PRIM2: variants seen among roughly 807,000 people sequenced by gnomAD.
The protein encoded by PRIM2 is DNA primase large subunit.
PRIM2 carries 39 observed loss-of-function variants against 67.3 expected under a neutral mutation model. The ratio of observed to expected loss-of-function variants is 0.58; its 90% CI spans 0.45 to 0.76. PRIM2 has a LOEUF of 0.76. Among genes scored for constraint, PRIM2 ranks in the 30% least tolerant of loss-of-function variants. The probability of loss-of-function intolerance (pLI) is 0.00; values close to 1 mark genes in which losing one functional copy is unlikely to be tolerated. For synonymous variants in PRIM2, 143 were observed against 198.7 expected, an observed-to-expected ratio of 0.72 and a Z score of 2.36; for missense variants, 398 against 598.7, an observed-to-expected ratio of 0.66 and a Z score of 3.50.
intron 10 of PRIM2, among the ~76,000 whole-genome samples, chr6:57,556,082 A>T (rs1186669164): frequency 1.3e-5 from 2 of 152,400 alleles, no homozygotes; most frequent in African/African-American, 2.4e-5. Flanking sequence ...AATACAGCTA[A>T]CAAGAGAGGG....
intron 7 of PRIM2, among the ~76,000 whole-genome samples, chr6:57,473,554 C>G (rs1253025816): frequency 6.6e-6 from 1 of 152,174 alleles, no homozygotes; most frequent in East Asian, 1.9e-4. Context: ...ACTGAAAACA[C>G]AAGTCTATTC....
At position 57,383,654 on chromosome 6, in the gene PRIM2, A is replaced by C. The variant is rs1770039268; in HGVS notation, c.693+1486A>C. ...CTGGATATTGTTGTAACTGAATGTG[A>C]TGCCTGGAAGAGCTACAGCCATCTA... On this transcript the variant is annotated intron_variant, in intron 7 of 13. Coordinates refer to ENST00000615550, the MANE Select transcript of PRIM2 (RefSeq NM_000947.5). 2.0e-5 allele frequency: 3 copies of C among 150,912 alleles called. No individual in the cohort carries two copies. The South Asian group carries it at 6.3e-4, about 32-fold the overall frequency. The allele number at this position is 150,912 out of a possible 1,614,324, so 9.3% of individuals were successfully genotyped here.
rs545099511 is a variant in PRIM2, at chr6:57,408,690, A to G, written c.693+26522A>G. On this transcript the variant is annotated intron_variant, in intron 7 of 13. Transcript: ENST00000615550. Reference sequence around the variant, plus strand: ...CTGCATTTGGCTTTTGTTGATCTGCATTGTGCTTTCGACATTCATCTATGT... The same window carrying G: ...CTGCATTTGGCTTTTGTTGATCTGCGTTGTGCTTTCGACATTCATCTATGT... Among the ~76,000 whole-genome samples, 241 of 152,264 alleles carry G rather than the reference A, an allele frequency of 1.6e-3. 1 individual carries two copies. Among genetic ancestry groups the G allele is most frequent in the Middle Eastern group, 6.8e-3 (2 of 294 alleles).
At chr6:57,638,614 C>T (rs1286271303) in intron 13 of PRIM2, among the ~76,000 whole-genome samples, 6 of 139,574 alleles carry the variant, frequency 4.3e-5, no homozygotes, top group African/African-American at 1.6e-4. Flanking sequence ...GGATTGCAAT[C>T]CTATTCTCTG....
chr6:57,483,058 A>G (rs1247231695), intron 7 of PRIM2, among the ~76,000 whole-genome samples: 58 of 152,084 alleles, frequency 3.8e-4, no homozygotes, highest in African/African-American at 1.3e-3. Flanking sequence ...TACAGGTGTG[A>G]CACCACGCCT....
intron 10 of PRIM2, among the ~76,000 whole-genome samples, chr6:57,569,227 A>T (rs1438841420): frequency 1.3e-5 from 2 of 152,164 alleles, no homozygotes; most frequent in Non-Finnish European, 2.9e-5. Flanking sequence ...AATGTCTGTC[A>T]AGTGCCTGAC....
At chr6:57,490,618 A>G (rs1350570795) in intron 7 of PRIM2, among the ~76,000 whole-genome samples, 13 of 152,232 alleles carry the variant, frequency 8.5e-5, no homozygotes, top group African/African-American at 3.1e-4. Context: ...CATAAAAAGA[A>G]CAGAGTAGGA....
chr6:57,243,203 C>T, the PRIM2 span, among the ~76,000 whole-genome samples: 1 of 152,198 alleles, frequency 6.6e-6, no homozygotes, highest in Non-Finnish European at 1.5e-5. Context: ...CACTACCTAA[C>T]CCTTTCCCCT....
At chr6:57,337,854 C>G (rs1388649078) in intron 5 of PRIM2, among the ~76,000 whole-genome samples, 1 of 152,044 alleles carries the variant, frequency 6.6e-6, no homozygotes, top group Non-Finnish European at 1.5e-5. Flanking sequence ...AAATAACTAA[C>G]ATCAGAGCAG....
intron 2 of PRIM2, among the ~76,000 whole-genome samples, chr6:57,319,492 A>G (rs1016025616): frequency 2.0e-5 from 3 of 152,338 alleles, no homozygotes; most frequent in Middle Eastern, 3.4e-3. Flanking sequence ...GAATGAAGAC[A>G]AGGGAGAAAA....
chr6:57,548,295 G>A (rs1279325243), intron 10 of PRIM2, among the ~76,000 whole-genome samples: 2 of 152,180 alleles, frequency 1.3e-5, no homozygotes, highest in Admixed American at 6.5e-5. Context: ...GCAGGAACCA[G>A]ATTTCCTGGT....
At chr6:57,370,417 A>T (rs1344761770) in intron 5 of PRIM2, among the ~76,000 whole-genome samples, 3 of 152,206 alleles carry the variant, frequency 2.0e-5, no homozygotes, top group Non-Finnish European at 4.4e-5. Context: ...TTAATAGTAA[A>T]GTTTCTGACA....
At chr6:57,308,420 G>A in the PRIM2 span, among the ~76,000 whole-genome samples, 1 of 152,110 alleles carries the variant, frequency 6.6e-6, no homozygotes, top group South Asian at 2.1e-4. Flanking sequence ...ACTGTGCCTG[G>A]CCCAGTTTAT....
chr6:57,523,878 GACT>G (rs2127465157), intron 8 of PRIM2, among the ~76,000 whole-genome samples: 1 of 152,262 alleles, frequency 6.6e-6, no homozygotes, highest in African/African-American at 2.4e-5. Context: ...CATTGAACAG[GACT>G]TAAATTTCTG....
upstream of PRIM2, among the ~76,000 whole-genome samples, chr6:57,315,247 A>G (rs1767457560): frequency 6.6e-6 from 1 of 152,206 alleles, no homozygotes; most frequent in African/African-American, 2.4e-5. Context: ...CTAGCCACAT[A>G]TGGTGATCTT....
At chr6:57,460,219 G>C (rs1772958427) in intron 7 of PRIM2, among the ~76,000 whole-genome samples, 1 of 151,494 alleles carries the variant, frequency 6.6e-6, no homozygotes, top group Admixed American at 6.6e-5. Flanking sequence ...AGAGCTAAAA[G>C]TGGCTTGTTA....
chr6:57,548,051 G>C (rs1332924314), intron 10 of PRIM2, among the ~76,000 whole-genome samples: 320 of 152,314 alleles, frequency 2.1e-3, no homozygotes, highest in African/African-American at 7.4e-3. Flanking sequence ...AGATGAAATT[G>C]ATGCACACTA....
At position 57,382,033 on chromosome 6, in the gene PRIM2, C is replaced by G. The variant is rs570326957; in HGVS notation, c.558C>G (p.Ile186Met). The change falls in exon 7 of 14, where the codon ATC becomes ATG. Residue 186 changes from isoleucine to methionine, a missense_variant and splice_region_variant. Ile to Met is a conservative substitution (Grantham distance 10). Around this residue, in one of 4 missense-constraint regions of PRIM2, gnomAD observed 229 missense variants for 383.6 expected, o/e 0.60. Coordinates refer to ENST00000615550, the MANE Select transcript of PRIM2 (RefSeq NM_000947.5). Reference protein sequence around the residue: ...LKLGFESIYKIPFADALDLFR... With the variant: ...LKLGFESIYKMPFADALDLFR... ...TGCCTGTTTTACTCTTAATTCAGAT[C>G]CCTTTTGCTGATGCTCTGGATTTGT... The G allele has an allele frequency of 6.2e-7, 1 of 1,608,336 alleles. No homozygotes were observed. The highest frequency in any genetic ancestry group is 1.1e-5 in the South Asian group (1 of 90,206).
upstream of PRIM2, among the ~76,000 whole-genome samples, chr6:57,311,970 C>T (rs1051511377): frequency 1.4e-4 from 18 of 125,990 alleles, no homozygotes; most frequent in Admixed American, 2.1e-4. Flanking sequence ...GAGATCATGG[C>T]GGTACAGTCC....
Sources: allele counts gnomAD v4.1 joint callset (sites outside exome capture counted in the v4.1 genomes callset), GRCh38; gene constraint gnomAD v4.1.1; regional missense constraint gnomAD v4.1.1; transcripts MANE v1.5; gene names NCBI Gene and HGNC (gene_info 2026-07-23, HGNC 2026-07-21).